CTNNA3: variants seen among roughly 807,000 people sequenced by gnomAD.
The protein encoded by CTNNA3 is catenin alpha 3.
In CTNNA3, 76 loss-of-function variants were observed where a neutral mutation model predicts 95.7. That is an observed-to-expected ratio of 0.79 (90% CI 0.66 to 0.96). The LOEUF (loss-of-function observed/expected upper bound fraction) is 0.96, where lower values mean the gene tolerates loss of function less well. Among genes scored for constraint, CTNNA3 ranks in the 40% least tolerant of loss-of-function variants. The pLI is 0.00. For synonymous variants in CTNNA3, 431 were observed against 374.4 expected (o/e 1.15, Z -1.74); for missense variants, 1,191 against 1,089.8 (o/e 1.09, Z -1.31).
intron 10 of CTNNA3, among the ~76,000 whole-genome samples, chr10:66,535,890 T>G (rs537501669): frequency 7.9e-4 from 120 of 152,274 alleles, no homozygotes; most frequent in Non-Finnish European, 1.2e-3. Flanking sequence ...GCTTGATGAT[T>G]TAATTAATGA....
intron 5 of CTNNA3, among the ~76,000 whole-genome samples, chr10:67,401,719 C>A (rs970294599): frequency 1.1e-4 from 17 of 152,166 alleles, no homozygotes; most frequent in Non-Finnish European, 2.9e-5. Flanking sequence ...CTGCAGAACA[C>A]AGCTGCAAAT....
intron 6 of CTNNA3, among the ~76,000 whole-genome samples, chr10:67,214,291 T>C (rs1589872766): frequency 6.6e-6 from 1 of 151,882 alleles, no homozygotes; most frequent in African/African-American, 2.4e-5. Context: ...TTATACAGTC[T>C]ATGACTACAC....
chr10:66,126,064 T>C (rs1266285326), intron 13 of CTNNA3, among the ~76,000 whole-genome samples: 2 of 152,208 alleles, frequency 1.3e-5, no homozygotes, highest in Non-Finnish European at 2.9e-5. Context: ...TATTTACACA[T>C]GTTCTGATTG....
At chr10:67,460,403 G>T (rs1453154285) in intron 5 of CTNNA3, among the ~76,000 whole-genome samples, 1 of 152,046 alleles carries the variant, frequency 6.6e-6, no homozygotes, top group Non-Finnish European at 1.5e-5. Context: ...TGGCTCGTTT[G>T]GTTTAAGAGA....
At chr10:66,530,273 A>C (rs10997219) in intron 10 of CTNNA3, among the ~76,000 whole-genome samples, 3,446 of 152,252 alleles carry the variant, frequency 0.023, 123 homozygotes, top group African/African-American at 0.079. Flanking sequence ...GATGCCTCGA[A>C]TACATCTAAG....
rs948942822 is a variant in CTNNA3 at position 66,102,586 on chromosome 10, G to T, written c.1977+571C>A. Among the ~76,000 whole-genome samples the T allele has an allele frequency of 3.3e-5, 5 of 152,278 alleles. No individual in the cohort carries two copies. In the East Asian group the frequency reaches 5.8e-4, roughly 18 times the overall value. ...GTAGTTGCAAGCGATAAGTGGCTAGGATGCCAAACTTTCACAGATACCCAG... is the reference window on the plus strand; with the variant it reads ...GTAGTTGCAAGCGATAAGTGGCTAGTATGCCAAACTTTCACAGATACCCAG... On this transcript the variant is annotated intron_variant, in intron 14 of 17. Transcript: ENST00000433211.
At chr10:66,169,629 C>T (rs982041484) in intron 13 of CTNNA3, among the ~76,000 whole-genome samples, 9 of 152,178 alleles carry the variant, frequency 5.9e-5, no homozygotes, top group East Asian at 5.8e-4. Flanking sequence ...TACTGTTTAC[C>T]TTCCCACCAG....
intron 1 of CTNNA3, among the ~76,000 whole-genome samples, chr10:67,753,496 A>G (rs1277358765): frequency 6.6e-6 from 1 of 152,226 alleles, no homozygotes; most frequent in East Asian, 1.9e-4. Flanking sequence ...GCTTCTGCAC[A>G]GCAAAAGAAA....
chr10:66,206,870 T>G (rs1241790693), intron 13 of CTNNA3, among the ~76,000 whole-genome samples: 4 of 151,916 alleles, frequency 2.6e-5, no homozygotes, highest in Admixed American at 2.6e-4. Context: ...CTCAACAGCC[T>G]GCCTTTTAAT....
At chr10:66,825,023 T>C (rs1842448479) in intron 7 of CTNNA3, among the ~76,000 whole-genome samples, 1 of 151,698 alleles carries the variant, frequency 6.6e-6, no homozygotes, top group Non-Finnish European at 1.5e-5. Context: ...CCTGCAACTT[T>C]TCTGTAAATC....
intron 7 of CTNNA3, among the ~76,000 whole-genome samples, chr10:66,822,776 C>G (rs867451206): frequency 6.6e-6 from 1 of 152,120 alleles, no homozygotes; most frequent in Non-Finnish European, 1.5e-5. Flanking sequence ...TTGAACTATC[C>G]CTCTGCTAGT....
chr10:67,743,394 C>T (rs1589587349), intron 1 of CTNNA3, among the ~76,000 whole-genome samples: 1 of 151,174 alleles, frequency 6.6e-6, no homozygotes, highest in African/African-American at 2.4e-5. Flanking sequence ...GAACCAAAGA[C>T]AAAAACCACA....
chr10:67,181,156 TTTAG>T (rs1283886855), intron 6 of CTNNA3, among the ~76,000 whole-genome samples: 2 of 152,178 alleles, frequency 1.3e-5, no homozygotes, highest in Non-Finnish European at 2.9e-5. Context: ...AATCATAAAC[TTTAG>T]TTAACTTTAA....
intron 6 of CTNNA3, among the ~76,000 whole-genome samples, chr10:67,188,633 C>T (rs991245186): frequency 6.6e-6 from 1 of 152,070 alleles, no homozygotes; most frequent in Admixed American, 6.6e-5. Flanking sequence ...TCAGCAATCC[C>T]ACTACTGTGT....
intron 1 of CTNNA3, among the ~76,000 whole-genome samples, chr10:67,737,897 A>G (rs1354146910): frequency 1.3e-5 from 2 of 152,210 alleles, no homozygotes; most frequent in African/African-American, 4.8e-5. Context: ...CAGCCATCCC[A>G]TTACTGGGTA....
At chr10:67,016,066 T>C (rs1051380116) in intron 7 of CTNNA3, among the ~76,000 whole-genome samples, 3 of 152,234 alleles carry the variant, frequency 2.0e-5, no homozygotes, top group African/African-American at 7.2e-5. Context: ...TTCTGAACCC[T>C]ATTTTTAGAA....
intron 12 of CTNNA3, among the ~76,000 whole-genome samples, chr10:66,314,486 CT>C (rs1396104794): frequency 6.6e-6 from 1 of 152,020 alleles, no homozygotes; most frequent in Non-Finnish European, 1.5e-5. Flanking sequence ...CAATATCATT[CT>C]TTTTTCCTTT....
chr10:66,508,000 C>T (rs1840511828), intron 11 of CTNNA3, among the ~76,000 whole-genome samples: 1 of 152,058 alleles, frequency 6.6e-6, no homozygotes, highest in African/African-American at 2.4e-5. Context: ...CCTTACTCCA[C>T]ATCCTTGTTA....
chr10:67,759,401 A>C (rs1203009612), intron 1 of CTNNA3, among the ~76,000 whole-genome samples: 1 of 152,234 alleles, frequency 6.6e-6, no homozygotes, highest in East Asian at 1.9e-4. Context: ...TTTTGAGTGA[A>C]GTGCAAAAGC....
Sources: allele counts gnomAD v4.1 joint callset (sites outside exome capture counted in the v4.1 genomes callset), GRCh38; gene constraint gnomAD v4.1.1; transcripts MANE v1.5; gene names NCBI Gene and HGNC (gene_info 2026-07-23, HGNC 2026-07-21).